Variants in APOD observed in about 807,000 individuals in gnomAD.
APOD encodes apo-D.
Under a neutral mutation model 20.4 loss-of-function variants are expected in APOD, and 22 were observed. That is an observed-to-expected ratio of 1.08 (90% CI 0.77 to 1.54). The LOEUF is 1.54. APOD is among the 40% of genes most tolerant of loss of function. The pLI, the probability that APOD is intolerant of heterozygous loss-of-function variation, is 0.00. For synonymous variants in APOD, 97 were observed against 92.4 expected (o/e 1.05, Z -0.29); for missense variants, 223 against 229.6 (o/e 0.97, Z 0.19).
At chr3:195,570,468 C>A in intron 4 of APOD, 1 of 152,218 alleles carries the variant, frequency 6.6e-6, no homozygotes, top group African/African-American at 2.4e-5. Flanking sequence ...GTTTTCTCCT[C>A]CCAGCATTCC....
intron 2 of APOD, among the ~76,000 whole-genome samples, chr3:195,578,501 C>T (rs1720282691): frequency 1.3e-5 from 2 of 152,174 alleles, no homozygotes; most frequent in Admixed American, 1.3e-4. Context: ...GGTGAGATTC[C>T]AGGCTTGAGT....
intron 2 of APOD, among the ~76,000 whole-genome samples, chr3:195,577,337 C>T (rs1447424543): frequency 6.6e-6 from 1 of 152,052 alleles, no homozygotes; most frequent in Non-Finnish European, 1.5e-5. Context: ...TAAAGATGAC[C>T]TAATTCAATG....
chr3:195,581,942 G>C (rs1232469235), intron 1 of APOD, among the ~76,000 whole-genome samples: 1 of 152,162 alleles, frequency 6.6e-6, no homozygotes, highest in African/African-American at 2.4e-5. Flanking sequence ...GCCGAGGCAG[G>C]TGGAGCACCT....
At chr3:195,570,219 G>A (rs1232070810) in intron 4 of APOD, among the ~76,000 whole-genome samples, 1 of 152,206 alleles carries the variant, frequency 6.6e-6, no homozygotes, top group Non-Finnish European at 1.5e-5. Flanking sequence ...TCAGTTGAGA[G>A]TTTGGAGACC....
At chr3:195,578,138 C>A (rs1359422033) in intron 2 of APOD, among the ~76,000 whole-genome samples, 2 of 152,178 alleles carry the variant, frequency 1.3e-5, no homozygotes, top group African/African-American at 2.4e-5. Flanking sequence ...AAATACAGAT[C>A]AGTTATCATT....
chr3:195,570,888 C>A, intron 4 of APOD: 1 of 186,784 alleles, frequency 5.4e-6, no homozygotes, highest in Non-Finnish European at 1.1e-5. Context: ...AGTTTCTGCG[C>A]CGTGCAGGTT....
intron 2 of APOD, 113 bp from the exon 3 acceptor site, chr3:195,574,084 C>G: frequency 7.0e-7 from 1 of 1,428,576 alleles, no homozygotes; most frequent in Non-Finnish European, 9.4e-7. Flanking sequence ...ACAAAATGGG[C>G]CTCATTGTTC....
At chr3:195,574,916 G>C in intron 2 of APOD, among the ~76,000 whole-genome samples, 1 of 152,212 alleles carries the variant, frequency 6.6e-6, no homozygotes, top group East Asian at 1.9e-4. Context: ...GGCACCTTTT[G>C]TGTAAAAATG....
Position 195,578,056 on chromosome 3 carries a change from G to A in APOD, c.123+1283C>T, listed in dbSNP as rs185145041. Among the ~76,000 whole-genome samples the A allele has an allele frequency of 1.2e-4, 18 of 152,300 alleles. No individual in the cohort carries two copies. The East Asian group carries it at 2.5e-3, about 21-fold the overall frequency. On this transcript the variant is annotated intron_variant, in intron 2 of 4. Transcript: ENST00000343267. ...AAGCTACTTTAAACAAGTGAATTACGTGCTATACAAATTATATCTCAATAA... is the reference window on the plus strand; with the variant it reads ...AAGCTACTTTAAACAAGTGAATTACATGCTATACAAATTATATCTCAATAA...
chr3:195,583,482 C>T (rs1314529797), intron 1 of APOD, among the ~76,000 whole-genome samples: 4 of 152,238 alleles, frequency 2.6e-5, no homozygotes, highest in Admixed American at 2.6e-4. Flanking sequence ...TCTAGTCACA[C>T]CATTAATTCC....
intron 3 of APOD, among the ~76,000 whole-genome samples, chr3:195,572,808 C>G (rs747429269): frequency 1.3e-5 from 2 of 151,750 alleles, no homozygotes; most frequent in Non-Finnish European, 2.9e-5. Context: ...GTCAGGAGAT[C>G]AAGACCAGCC....
chr3:195,582,089 G>A (rs569112909), intron 1 of APOD, among the ~76,000 whole-genome samples: 2 of 152,266 alleles, frequency 1.3e-5, no homozygotes, highest in East Asian at 3.9e-4. Context: ...CTGTAATCGG[G>A]AGGCTGAGGC....
At chr3:195,569,863 G>A (rs199855590) in intron 4 of APOD, among the ~76,000 whole-genome samples, 2 of 137,388 alleles carry the variant, frequency 1.5e-5, no homozygotes, top group Admixed American at 7.9e-5. Context: ...GCAATGGCGC[G>A]ATCTCAGCTC....
In APOD at chr3:195,579,475, G is replaced by A. The variant is rs772677052; in HGVS notation, c.-14C>T. 17 of 1,610,980 alleles carry A rather than the reference G, an allele frequency of 1.1e-5. No homozygotes were observed. The highest frequency in any genetic ancestry group is 2.7e-5 in the African/African-American group (2 of 74,936). Reference sequence around the variant, plus strand: ...CAGCATCACCATCTTGGGGCTGGGTGGCTGGAGAAGGGACCTGGAGCTGCG... The same window carrying A: ...CAGCATCACCATCTTGGGGCTGGGTAGCTGGAGAAGGGACCTGGAGCTGCG... On this transcript the variant is annotated 5_prime_UTR_variant, in exon 2 of 5. Coordinates refer to ENST00000343267, the MANE Select transcript of APOD (RefSeq NM_001647.4).
intron 1 of APOD, among the ~76,000 whole-genome samples, chr3:195,581,868 T>C (rs973081791): frequency 6.6e-6 from 1 of 152,222 alleles, no homozygotes; most frequent in African/African-American, 2.4e-5. Flanking sequence ...ATTAGTTTTA[T>C]TCCTGTGGTT....
rs1286971442 is a variant in APOD, at chr3:195,573,858, C to T, written c.237G>A (p.Gln79=). 1.9e-6 allele frequency: 3 copies of T among 1,614,134 alleles called. No homozygotes were observed. The highest frequency in any genetic ancestry group is 3.3e-5 in the Admixed American group (2 of 60,020). Residue 79 remains glutamine (Q), a synonymous_variant, in exon 3 of 5, where the codon CAG becomes CAA. Transcript: ENST00000343267. ...MENGKIKVLN[Q]ELRADGTVNQ... is the part of the protein sequence containing the mutation. ...CGCCCACAGCCACTCACCTCAACTC[C>T]TGGTTTAACACTTTGATCTTTCCGT...
intron 2 of APOD, among the ~76,000 whole-genome samples, chr3:195,574,944 G>T (rs572858424): frequency 6.6e-6 from 1 of 152,158 alleles, no homozygotes; most frequent in Non-Finnish European, 1.5e-5. Context: ...TGTTTATTAC[G>T]TTGGTTTTCT....
In APOD at chr3:195,571,357, C is replaced by T; in HGVS notation, c.254G>A (p.Gly85Glu). Residue 85 changes from glycine (G) to glutamate (E), a missense_variant, in exon 4 of 5, where the codon GGA (glycine) becomes GAA (glutamate). By Grantham distance (98) the Gly-to-Glu change is moderately conservative (BLOSUM62 -2). Transcript: ENST00000343267. ...TTCACCTTCGATTTGATTCACAGTT[C>T]CATCAGCTCTGCAGTGAGTTAAAAA... ...KVLNQELRAD[G>E]TVNQIEGEAT... 6.2e-7 allele frequency: 1 copy of T among 1,613,874 alleles called. No individual in the cohort carries two copies. The highest frequency in any genetic ancestry group is 8.5e-7 in the Non-Finnish European group (1 of 1,179,858).
At chr3:195,581,296 C>T (rs1375008301) in intron 1 of APOD, among the ~76,000 whole-genome samples, 1 of 152,146 alleles carries the variant, frequency 6.6e-6, no homozygotes, top group Non-Finnish European at 1.5e-5. Context: ...TTCCGTTTCT[C>T]ATCGGCTCCA....
Sources: gnomAD v4.1 joint callset for allele counts (sites outside exome capture counted in the v4.1 genomes callset) on GRCh38, gnomAD v4.1.1 for gene constraint, MANE v1.5 for transcripts, NCBI Gene and HGNC (gene_info 2026-07-23, HGNC 2026-07-21) for gene names.